VMA21: variants seen among roughly 807,000 people sequenced by gnomAD.
The protein encoded by VMA21 is vacuolar ATPase assembly integral membrane protein VMA21.
For missense variants in VMA21, 61 were observed against 80.6 expected, an observed-to-expected ratio of 0.76 and a Z score of 0.93; for synonymous variants, 47 against 34.1, an observed-to-expected ratio of 1.38 and a Z score of -1.32.
At chrX:151,401,527 TG>T (rs970923196) in intron 1 of VMA21, among the ~76,000 whole-genome samples, 1 of 112,044 alleles carries the variant, frequency 8.9e-6, no homozygotes, top group Non-Finnish European at 1.9e-5. Context: ...ATTTTAGGAT[TG>T]TTTTTCTATT....
Position 151,405,128 on chromosome X carries a change from A to C in VMA21, c.*70A>C, listed in dbSNP as rs2011276521. On this transcript the variant is annotated 3_prime_UTR_variant, in exon 3 of 3. Coordinates refer to ENST00000330374, the MANE Select transcript of VMA21 (RefSeq NM_001017980.4). ...GATAAATGCTGGAGGGGGCCATCTGATTTGAATAAAGTTGAAAGAACATGT... is the reference window on the plus strand; with the variant it reads ...GATAAATGCTGGAGGGGGCCATCTGCTTTGAATAAAGTTGAAAGAACATGT... 1 of 1,140,992 alleles carries C rather than the reference A, an allele frequency of 8.8e-7. No homozygotes were observed. The highest frequency in any genetic ancestry group is 2.2e-5 in the Admixed American group (1 of 44,487). 94.0% of individuals were successfully genotyped at this position (1,140,992 alleles called of 1,213,427 possible).
rs1169548104 is a variant in VMA21, at chrX:151,406,264, A to G, written c.*1206A>G. 8.9e-6 allele frequency: 1 copy of G among 112,469 alleles called. No individual in the cohort carries two copies. The highest frequency in any genetic ancestry group is 9.4e-5 in the Admixed American group (1 of 10,639). The allele number at this position is 112,469 out of a possible 1,213,427, so 9.3% of individuals were successfully genotyped here. A position where few individuals can be genotyped will look rare whatever the true frequency, so the allele number is the denominator to read the frequency against. On this transcript the variant is annotated 3_prime_UTR_variant, in exon 3 of 3. Transcript: ENST00000330374. ...AGCCATTCCTTAATGCTAGTTTGAT[A>G]CACACTAAAAGTTTAGCTTACAAGT...
In VMA21 at chrX:151,409,092, G is replaced by C. The variant is rs1048398; in HGVS notation, c.*4034G>C. 8.9e-6 allele frequency: 1 copy of C among 112,638 alleles called. No homozygotes were observed. Among genetic ancestry groups the C allele is most frequent in the East Asian group, 2.8e-4 (1 of 3,568 alleles). The allele number at this position is 112,638 out of a possible 1,213,427, so 9.3% of individuals were successfully genotyped here. Reference sequence around the variant, plus strand: ...GTCTCTTGACGTCGATGCTAAAAGTGTTAGAATCTTTACATCACTAGAGTC... The same window carrying C: ...GTCTCTTGACGTCGATGCTAAAAGTCTTAGAATCTTTACATCACTAGAGTC... On this transcript the variant is annotated 3_prime_UTR_variant, in exon 3 of 3. Transcript: ENST00000330374.
chrX:151,405,045 G>T lies in VMA21; in HGVS notation c.293G>T (p.Gly98Val). Reference protein sequence around the residue: ...WNEGSRQWREGKQD With the variant: ...WNEGSRQWREVKQD ...GAAGGCTCACGACAGTGGCGTGAAG[G>T]CAAACAGGATTAAAGTGAACATCAC... The change falls in exon 3 of 3, where the codon GGC becomes GTC. Residue 98 changes from glycine (G) to valine (V), a missense_variant. Physicochemically the swap from Gly to Val is moderately radical, Grantham distance 109. Transcript: ENST00000330374. The T allele has an allele frequency of 8.3e-7, 1 of 1,210,810 alleles. No individual in the cohort carries two copies. The highest frequency in any genetic ancestry group is 1.1e-6 in the Non-Finnish European group (1 of 895,459).
At chrX:151,398,302 A>G (rs1198162415) in intron 1 of VMA21, among the ~76,000 whole-genome samples, 1 of 94,932 alleles carries the variant, frequency 1.1e-5, no homozygotes, top group Non-Finnish European at 2.3e-5. Flanking sequence ...CCCAGGTAAT[A>G]AGCATAGTAC....
chrX:151,404,263 C>A (rs1243073231), intron 2 of VMA21, among the ~76,000 whole-genome samples: 2 of 111,648 alleles, frequency 1.8e-5, no homozygotes, highest in African/African-American at 6.5e-5. Flanking sequence ...TTAGTAGAGA[C>A]GGGGTTTCGC....
At chrX:151,403,570 A>G in intron 1 of VMA21, 61 bp from the exon 2 acceptor site, 1 of 840,923 alleles carries the variant, frequency 1.2e-6, no homozygotes, top group East Asian at 3.1e-5. Flanking sequence ...TTTCAGGGAC[A>G]TAAGAGCGTT....
chrX:151,396,660 A>G (rs1466851199), upstream of VMA21: 2 of 389,750 alleles, frequency 5.1e-6, no homozygotes, highest in Non-Finnish European at 8.9e-6. Context: ...GAGTGTTTTA[A>G]CTCCTCCCAG....
At chrX:151,403,280 C>T (rs370768446) in intron 1 of VMA21, among the ~76,000 whole-genome samples, 90 of 112,096 alleles carry the variant, frequency 8.0e-4, no homozygotes, top group African/African-American at 2.6e-3. Flanking sequence ...TGCCGCTGTC[C>T]GCCGTGGCTT....
intron 2 of VMA21, 89 bp downstream of exon 2, chrX:151,403,829 T>G: frequency 1.5e-6 from 1 of 656,020 alleles, no homozygotes; most frequent in Non-Finnish European, 2.4e-6. Flanking sequence ...AACTGGGTAT[T>G]CTTATTTTTT....
rs779004844 is a variant in VMA21, at chrX:151,403,752, C to T, written c.163+12C>T. On this transcript the variant is annotated intron_variant, in intron 2 of 2. Coordinates refer to ENST00000330374, the MANE Select transcript of VMA21 (RefSeq NM_001017980.4). ...TTACATATTTGAAGGTAATCTTAGA[C>T]CCATTAAAACAAGATGTTTTCCCCC... 8.9e-7 allele frequency: 1 copy of T among 1,129,651 alleles called. No homozygotes were observed. The highest frequency in any genetic ancestry group is 1.8e-5 in the South Asian group (1 of 55,120). 93.1% of individuals were successfully genotyped at this position (1,129,651 alleles called of 1,213,427 possible). A position where few individuals can be genotyped will look rare whatever the true frequency, so the allele number is the denominator to read the frequency against.
chrX:151,399,772 A>G (rs1309096722), intron 1 of VMA21, among the ~76,000 whole-genome samples: 5 of 60,458 alleles, frequency 8.3e-5, no homozygotes, highest in Admixed American at 4.1e-4. Flanking sequence ...AAAAGAAAAT[A>G]TTAGAACTTT....
upstream of VMA21, chrX:151,397,046 G>C (rs1166446512): frequency 8.1e-6 from 4 of 494,626 alleles, no homozygotes; most frequent in African/African-American, 2.4e-5. Context: ...GCACGCCGCG[G>C]AGCCACCGCC....
At chrX:151,402,616 C>A (rs777609785) in intron 1 of VMA21, among the ~76,000 whole-genome samples, 2 of 112,990 alleles carry the variant, frequency 1.8e-5, no homozygotes, top group African/African-American at 3.2e-5. Context: ...CCTCTTAAAA[C>A]GTGTTTGGAA....
intron 1 of VMA21, among the ~76,000 whole-genome samples, chrX:151,399,027 C>T (rs1485004346): frequency 8.9e-6 from 1 of 112,603 alleles, no homozygotes; most frequent in Non-Finnish European, 1.9e-5. Flanking sequence ...TGGCTTGCAT[C>T]AGCAAAACCA....
chrX:151,397,025 C>G, upstream of VMA21: 1 of 506,025 alleles, frequency 2.0e-6, no homozygotes, highest in Non-Finnish European at 3.6e-6. Context: ...ACAGGCCCCT[C>G]CTGGCAGGGC....
upstream of VMA21, chrX:151,397,115 G>T: frequency 3.1e-6 from 1 of 322,797 alleles, no homozygotes; most frequent in Non-Finnish European, 5.1e-6. Context: ...GCTGCGGCGC[G>T]CCGCGCCGCG....
At chrX:151,397,111 GCGCGCCGCGCCGCGC>G (rs1158989505), upstream of VMA21, 276 of 341,556 alleles carry the variant, frequency 8.1e-4, 4 homozygotes, top group African/African-American at 7.1e-3. Flanking sequence ...CGTCGCTGCG[GCGCGCCGCGCCGCGC>G]CGCGCCTGCG....
rs896091269 is a variant in VMA21 at position 151,408,512 on chromosome X, T to A, written c.*3454T>A. ...TATGGTTCAACTCTGACACAGAATT[T>A]GTCACTTGTCTGAGGTCAGTGGCAG... On this transcript the variant is annotated 3_prime_UTR_variant, in exon 3 of 3. Transcript: ENST00000330374. 8.9e-6 allele frequency: 1 copy of A among 112,432 alleles called. No individual in the cohort carries two copies. The highest frequency in any genetic ancestry group is 3.2e-5 in the African/African-American group (1 of 30,894). 9.3% of individuals were successfully genotyped at this position (112,432 alleles called of 1,213,427 possible).
Sources: gnomAD v4.1 joint callset for allele counts (sites outside exome capture counted in the v4.1 genomes callset) on GRCh38, gnomAD v4.1.1 for gene constraint, MANE v1.5 for transcripts, NCBI Gene and HGNC (gene_info 2026-07-23, HGNC 2026-07-21) for gene names.